Variants in TSEN54 observed in about 807,000 individuals in gnomAD.
TSEN54 encodes tRNA-splicing endonuclease subunit Sen54.
A neutral mutation model predicts 61.9 loss-of-function variants in TSEN54; 55 were observed. The observed-to-expected ratio is 0.89, with a 90% CI of 0.72 to 1.11. TSEN54 has a LOEUF of 1.11. Among genes scored for constraint, TSEN54 ranks in the 50% most tolerant of loss-of-function variants. The pLI is 0.00. For synonymous variants in TSEN54, 304 were observed against 288.7 expected (o/e 1.05, Z -0.54); for missense variants, 760 against 687.7 (o/e 1.11, Z -1.18).
chr17:75,517,405 C>T lies in TSEN54; in HGVS notation c.370-152C>T. The stretch of plus-strand genomic sequence containing the variant: ...TGCAGGGAGCAGGGATTCCAGTCCA[C>T]ATTAGTGATGCTGCCCCACTTTCCT... On this transcript the variant is annotated intron_variant, in intron 4 of 10. Coordinates refer to ENST00000333213, the MANE Select transcript of TSEN54 (RefSeq NM_207346.3). 2.6e-6 allele frequency: 3 copies of T among 1,139,164 alleles called. 1 individual carries two copies. In the South Asian group the frequency reaches 3.7e-5, roughly 14 times the overall value. 70.6% of individuals were successfully genotyped at this position (1,139,164 alleles called of 1,614,324 possible).
chr17:75,518,849 A>G, intron 5 of TSEN54, 146 bp from the exon 6 acceptor site: 1 of 1,544,208 alleles, frequency 6.5e-7, no homozygotes, highest in Non-Finnish European at 8.7e-7. Flanking sequence ...GTAATGAAGC[A>G]TGGTCCAACC....
rs2053450570 is a variant in TSEN54, at chr17:75,523,305, A to AGACAACACACCTTCCT, written c.1286_1301dup (p.Gly435AsnfsTer5). ...GTCCTTCAGCATATCTCTGTGCTGC[A>AGACAACACACCTTCCT]GACAACACACCTTCCTGATGGAGGT... is the stretch of plus-strand genomic sequence containing the variant. On this transcript the variant is annotated frameshift_variant, in exon 9 of 11. Transcript: ENST00000333213. LOFTEE classifies it high-confidence loss of function. 2 of 1,614,068 alleles carry AGACAACACACCTTCCT rather than the reference A, an allele frequency of 1.2e-6. No individual in the cohort carries two copies. Among genetic ancestry groups the AGACAACACACCTTCCT allele is most frequent in the Non-Finnish European group, 1.7e-6 (2 of 1,180,044 alleles).
intron 10 of TSEN54, 105 bp from the exon 11 acceptor site, chr17:75,524,157 A>C: frequency 2.0e-6 from 3 of 1,515,072 alleles, no homozygotes; most frequent in Non-Finnish European, 2.7e-6. Context: ...CTCATGGGTC[A>C]GAATTCTTGC....
chr17:75,518,637 C>T (rs1193098027), intron 5 of TSEN54: 3 of 985,294 alleles, frequency 3.0e-6, no homozygotes, highest in East Asian at 1.1e-4. Flanking sequence ...ATGCCCACCA[C>T]CTGCCATCAT....
At chr17:75,521,616 AC>A (rs1895594384) in intron 7 of TSEN54, 88 bp from the exon 8 acceptor site, 1 of 1,564,466 alleles carries the variant, frequency 6.4e-7, no homozygotes, top group African/African-American at 1.4e-5. Context: ...GCTCAGGGAG[AC>A]ACTAGGGGAC....
Position 75,521,480 on chromosome 17 carries a change from G to A in TSEN54, c.593G>A (p.Gly198Asp). ...GTGCAGCACTTGGAGGATGGAGATG[G>A]CAAGAGAAAGAGGAGCAGCTCCAGC... ...ASVQHLEDGD[G>D]KRKRSSSSPR... Residue 198 changes from glycine (G) to aspartate (D), a missense_variant, in exon 7 of 11, where the codon GGC (glycine) becomes GAC (aspartate). Physicochemically the swap from Gly to Asp is moderately conservative, Grantham distance 94. Transcript: ENST00000333213. 2 of 1,614,104 alleles carry A rather than the reference G, an allele frequency of 1.2e-6. No individual in the cohort carries two copies. The highest frequency in any genetic ancestry group is 8.5e-7 in the Non-Finnish European group (1 of 1,180,012).
chr17:75,517,908 C>T (rs1329873849), intron 5 of TSEN54, among the ~76,000 whole-genome samples: 1 of 152,068 alleles, frequency 6.6e-6, no homozygotes, highest in African/African-American at 2.4e-5. Flanking sequence ...AAGCTAGGGG[C>T]TTGTCGCAGG....
At chr17:75,521,211 G>T (rs967067810) in intron 6 of TSEN54, 198 bp from the exon 7 acceptor site, 2 of 612,670 alleles carry the variant, frequency 3.3e-6, no homozygotes, top group Non-Finnish European at 5.9e-6. Flanking sequence ...CTGGGCCATT[G>T]CCTAGGCAGA....
chr17:75,523,192 C>T, intron 8 of TSEN54, 83 bp from the exon 9 acceptor site: 1 of 1,597,706 alleles, frequency 6.3e-7, no homozygotes, highest in Non-Finnish European at 8.6e-7. Flanking sequence ...AAAAAAGTTG[C>T]TAAATCTGGC....
At chr17:75,517,514 T>TGTA (rs1247020880) in intron 4 of TSEN54, 43 bp from the exon 5 acceptor site, 1 of 1,551,930 alleles carries the variant, frequency 6.4e-7, no homozygotes, top group African/African-American at 1.4e-5. Context: ...TCTGTGGCAC[T>TGTA]GTAGTGAGGG....
chr17:75,521,932 C>CCGAGAA lies in TSEN54; in HGVS notation c.854_859dup (p.Glu285_Asn286dup), dbSNP rs2053431265. ...GGGTGCAGCTGGGAGAGTGGCAGAG[C>CCGAGAA]CGAGAACGGAGTCACGGGAGCCGGT... On this transcript the variant is annotated inframe_insertion, in exon 8 of 11. Coordinates refer to ENST00000333213, the MANE Select transcript of TSEN54 (RefSeq NM_207346.3). The CCGAGAA allele has an allele frequency of 6.2e-7, 1 of 1,610,234 alleles. No homozygotes were observed. Among genetic ancestry groups the CCGAGAA allele is most frequent in the South Asian group, 1.1e-5 (1 of 90,820 alleles).
At chr17:75,517,515 G>A in intron 4 of TSEN54, 42 bp from the exon 5 acceptor site, 2 of 1,555,104 alleles carry the variant, frequency 1.3e-6, no homozygotes, top group Non-Finnish European at 1.8e-6. Context: ...CTGTGGCACT[G>A]TAGTGAGGGC....
Position 75,522,037 on chromosome 17 carries a change from C to A in TSEN54, c.956C>A (p.Ala319Asp), listed in dbSNP as rs777317304. ...CGCCACACCCTTCTGCGCGCCCCAG[C>A]CCCAGAGCTGCTCCCGGCCAACGTG... ...DSRHTLLRAP[A>D]PELLPANVAG... The change falls in exon 8 of 11, where the codon GCC (alanine) becomes GAC (aspartate). Residue 319 changes from alanine (A) to aspartate (D), a missense_variant. This residue lies in a region of TSEN54 where 667 missense variants were observed against 577.8 expected (regional missense o/e 1.15). Transcript: ENST00000333213. 1 of 1,592,380 alleles carries A rather than the reference C, an allele frequency of 6.3e-7. No individual in the cohort carries two copies. The highest frequency in any genetic ancestry group is 8.5e-7 in the Non-Finnish European group (1 of 1,170,032).
At chr17:75,516,977 A>G (rs781300218) in intron 2 of TSEN54, 32 bp from the exon 3 acceptor site, 1 of 1,559,466 alleles carries the variant, frequency 6.4e-7, no homozygotes, top group Non-Finnish European at 8.7e-7. Context: ...TCCGGAATGG[A>G]CTGACGCAGA....
Position 75,517,158 on chromosome 17 carries a change from C to G in TSEN54, c.286-3C>G. 1 of 1,593,050 alleles carries G rather than the reference C, an allele frequency of 6.3e-7. No individual in the cohort carries two copies. Among genetic ancestry groups the G allele is most frequent in the Non-Finnish European group, 8.6e-7 (1 of 1,169,442 alleles). On this transcript the variant is annotated splice_polypyrimidine_tract_variant and splice_region_variant and intron_variant, in intron 3 of 10. Transcript: ENST00000333213. Reference sequence around the variant, plus strand: ...TGTGACACTTGCTCTGGGCCCCACACAGGGCAAATTCTGGCAGACCATGGG... The same window carrying G: ...TGTGACACTTGCTCTGGGCCCCACAGAGGGCAAATTCTGGCAGACCATGGG...
Position 75,517,150 on chromosome 17 carries a change from G to GC in TSEN54, c.286-7dup. 4 of 1,590,008 alleles carry GC rather than the reference G, an allele frequency of 2.5e-6. No individual in the cohort carries two copies. Among genetic ancestry groups the GC allele is most frequent in the Non-Finnish European group, 3.4e-6 (4 of 1,167,874 alleles). On this transcript the variant is annotated splice_polypyrimidine_tract_variant and intron_variant, in intron 3 of 10. Transcript: ENST00000333213. ...CCCTCCCTTGTGACACTTGCTCTGG[G>GC]CCCCACACAGGGCAAATTCTGGCAG...
chr17:75,516,578 G>C lies in TSEN54; in HGVS notation c.18G>C (p.Glu6Asp). Residue 6 changes from glutamate (E) to aspartate (D), a missense_variant, in exon 1 of 11, where the codon GAG becomes GAC. Glu to Asp is a conservative substitution (Grantham distance 45, BLOSUM62 2). This residue lies in a region of TSEN54 where 667 missense variants were observed against 577.8 expected (regional missense o/e 1.15). Coordinates refer to ENST00000333213, the MANE Select transcript of TSEN54 (RefSeq NM_207346.3). ...GCGGCGGGATGGAGCCCGAGCCCGA[G>C]CCCGCGGCCGTGGAGGTTCCCGCGG... is the stretch of plus-strand genomic sequence containing the variant. MEPEP[E>D]PAAVEVPAGR... The C allele has an allele frequency of 8.7e-7, 1 of 1,154,956 alleles. No homozygotes were observed. Among genetic ancestry groups the C allele is most frequent in the Non-Finnish European group, 1.1e-6 (1 of 940,046 alleles). The allele number at this position is 1,154,956 out of a possible 1,614,324, so 71.5% of individuals were successfully genotyped here. A position where few individuals can be genotyped will look rare whatever the true frequency, so the allele number is the denominator to read the frequency against.
In TSEN54 at chr17:75,523,328, G is replaced by A. The variant is rs369159097; in HGVS notation, c.1306G>A (p.Gly436Ser). 1.2e-5 allele frequency: 20 copies of A among 1,614,010 alleles called. No individual in the cohort carries two copies. Among genetic ancestry groups the A allele is most frequent in the African/African-American group, 2.7e-5 (2 of 74,904 alleles). The change falls in exon 9 of 11, where the codon GGT becomes AGT. Residue 436 changes from glycine (G) to serine (S), a missense_variant. By Grantham distance (56) the Gly-to-Ser change is moderately conservative. Coordinates refer to ENST00000333213, the MANE Select transcript of TSEN54 (RefSeq NM_207346.3). The stretch of plus-strand genomic sequence containing the variant: ...GCAGACAACACACCTTCCTGATGGA[G>A]GTGCCCGGTAAGTTTCCAAGCAGTG... ...VLQTTHLPDG[G>S]ARLLEKSGGL...
rs776400254 is a variant in TSEN54, at chr17:75,521,819, G to A, written c.738G>A (p.Gln246=). Residue 246 remains glutamine, a synonymous_variant, in exon 8 of 11, where the codon CAG becomes CAA. Coordinates refer to ENST00000333213, the MANE Select transcript of TSEN54 (RefSeq NM_207346.3). ...GCCAATGCCCAGAGGAGAAACCCCAGGAGTCAAGCCCCATGAAGGGCCCAG... is the reference window on the plus strand; with the variant it reads ...GCCAATGCCCAGAGGAGAAACCCCAAGAGTCAAGCCCCATGAAGGGCCCAG... ...QPSQCPEEKP[Q]ESSPMKGPGG... The A allele has an allele frequency of 1.2e-6, 2 of 1,613,062 alleles. No homozygotes were observed. Among genetic ancestry groups the A allele is most frequent in the East Asian group, 2.2e-5 (1 of 44,850 alleles).
Sources: gnomAD v4.1 joint callset for allele counts (sites outside exome capture counted in the v4.1 genomes callset) on GRCh38, gnomAD v4.1.1 for gene constraint, gnomAD v4.1.1 regional missense constraint, MANE v1.5 for transcripts, NCBI Gene and HGNC (gene_info 2026-07-23, HGNC 2026-07-21) for gene names.